ACKR4: variants seen among roughly 807,000 people sequenced by gnomAD.
ACKR4 encodes atypical chemokine receptor 4.
A neutral mutation model predicts 8.5 loss-of-function variants in ACKR4; 2 were observed. The observed-to-expected ratio is 0.23, with a 90% CI of 0.10 to 0.74. ACKR4 has a LOEUF of 0.74. ACKR4 is among the 30% of genes least tolerant of loss of function. The probability of loss-of-function intolerance (pLI) is 0.75; values close to 1 mark genes in which losing one functional copy is unlikely to be tolerated. For missense variants in ACKR4, 167 were observed against 422.1 expected (o/e 0.40, Z 5.30); for synonymous variants, 67 against 145.0 (o/e 0.46, Z 3.86).
intron 1 of ACKR4, among the ~76,000 whole-genome samples, chr3:132,598,130 C>G (rs1474539478): frequency 6.6e-6 from 1 of 151,932 alleles, no homozygotes; most frequent in Non-Finnish European, 1.5e-5. Context: ...ATTATTGATT[C>G]TATAAGAATA....
chr3:132,602,357 C>T lies in ACKR4; in HGVS notation c.*907C>T, dbSNP rs1295876328. 3 of 167,106 alleles carry T rather than the reference C, an allele frequency of 1.8e-5. No individual in the cohort carries two copies. In the East Asian group the frequency reaches 5.8e-4, roughly 32 times the overall value. The allele number at this position is 167,106 out of a possible 1,614,324, so 10.4% of individuals were successfully genotyped here. On this transcript the variant is annotated 3_prime_UTR_variant, in exon 2 of 2. Transcript: ENST00000249887. ...ATATAGTCTAGGTGTAATCCTCAGA[C>T]TATCATTTTCATCTGGGTTCCAATT...
chr3:132,599,456 G>A (rs886479484), intron 1 of ACKR4, among the ~76,000 whole-genome samples: 18 of 151,672 alleles, frequency 1.2e-4, no homozygotes, highest in South Asian at 2.1e-4. Flanking sequence ...GCAGTGAGCC[G>A]AGATTGTCCA....
In ACKR4 at chr3:132,602,072, G is replaced by T. The variant is rs528872520; in HGVS notation, c.*622G>T. 1.9e-3 allele frequency: 321 copies of T among 166,246 alleles called. 2 individuals are homozygous for T. The highest frequency in any genetic ancestry group is 7.4e-3 in the African/African-American group (306 of 41,304). The allele number at this position is 166,246 out of a possible 1,614,324, so 10.3% of individuals were successfully genotyped here. ...ATTATCTAAGTTTTAATACAAGAAC[G>T]ATTTCCCTGCATAATTTTAGTACTT... On this transcript the variant is annotated 3_prime_UTR_variant, in exon 2 of 2. Coordinates refer to ENST00000249887, the MANE Select transcript of ACKR4 (RefSeq NM_016557.4).
rs1024181652 is a variant in ACKR4, at chr3:132,602,175, C to T, written c.*725C>T. On this transcript the variant is annotated 3_prime_UTR_variant, in exon 2 of 2. Transcript: ENST00000249887. ...TTGTAAGTAATTTTATAAAATCCAC[C>T]TCCTCCAAAAAAGCAATAAAAAAAA... 25 of 165,392 alleles carry T rather than the reference C, an allele frequency of 1.5e-4. No homozygotes were observed. The highest frequency in any genetic ancestry group is 5.8e-4 in the African/African-American group (24 of 41,142). The allele number at this position is 165,392 out of a possible 1,614,324, so 10.2% of individuals were successfully genotyped here.
In ACKR4 at chr3:132,600,835, C is replaced by A. The variant is rs368139353; in HGVS notation, c.438C>A (p.Ser146Arg). 6.2e-7 allele frequency: 1 copy of A among 1,613,896 alleles called. No homozygotes were observed. Among genetic ancestry groups the A allele is most frequent in the Non-Finnish European group, 8.5e-7 (1 of 1,179,878 alleles). The change falls in exon 2 of 2, where the codon AGC becomes AGA. Residue 146 changes from serine to arginine, a missense_variant. Physicochemically the swap from Ser to Arg is moderately radical, Grantham distance 110. Coordinates refer to ENST00000249887, the MANE Select transcript of ACKR4 (RefSeq NM_016557.4). The stretch of plus-strand genomic sequence containing the variant: ...ATGTGGCAGTAACTAAAGTCCCCAG[C>A]CAATCAGGAGTGGGAAAACCATGCT... ...DRYVAVTKVP[S>R]QSGVGKPCWI... is the part of the protein sequence containing the mutation.
intron 1 of ACKR4, among the ~76,000 whole-genome samples, chr3:132,599,847 G>C (rs908188685): frequency 2.0e-5 from 3 of 152,016 alleles, no homozygotes; most frequent in African/African-American, 7.2e-5. Flanking sequence ...GTGAAATTTA[G>C]TGCAAATGCT....
intron 1 of ACKR4, among the ~76,000 whole-genome samples, chr3:132,599,026 T>G (rs1938447138): frequency 6.6e-6 from 1 of 152,158 alleles, no homozygotes; most frequent in South Asian, 2.1e-4. Context: ...AGAAAGATAC[T>G]GCTTGGCCAG....
chr3:132,600,335 T>G, intron 1 of ACKR4, 54 bp from the exon 2 acceptor site: 1 of 1,413,946 alleles, frequency 7.1e-7, no homozygotes, highest in Non-Finnish European at 9.4e-7. Context: ...AAAAACTGTT[T>G]CCTTTTAAGC....
intron 1 of ACKR4, among the ~76,000 whole-genome samples, chr3:132,597,933 TAAAAAG>T (rs1938388522): frequency 6.6e-6 from 1 of 152,148 alleles, no homozygotes; most frequent in Admixed American, 6.6e-5. Flanking sequence ...ACTTTAATGA[TAAAAAG>T]AGTCATTTAA....
rs766124398 is a variant in ACKR4 at position 132,600,553 on chromosome 3, C to T, written c.156C>T (p.Phe52=). The T allele has an allele frequency of 8.7e-6, 14 of 1,613,824 alleles. No homozygotes were observed. Among genetic ancestry groups the T allele is most frequent in the South Asian group, 2.2e-5 (2 of 91,068 alleles). The change falls in exon 2 of 2, where the codon TTC becomes TTT. Residue 52 remains phenylalanine, a synonymous_variant. Coordinates refer to ENST00000249887, the MANE Select transcript of ACKR4 (RefSeq NM_016557.4). Reference sequence around the variant, plus strand: ...TCCCTGTATTCCTCACAATAGTTTTCGTCATTGGACTTGCAGGCAATTCCA... The same window carrying T: ...TCCCTGTATTCCTCACAATAGTTTTTGTCATTGGACTTGCAGGCAATTCCA... ...VFLPVFLTIV[F]VIGLAGNSMV...
Sources: gnomAD v4.1 joint callset for allele counts (sites outside exome capture counted in the v4.1 genomes callset) on GRCh38, gnomAD v4.1.1 for gene constraint, MANE v1.5 for transcripts, NCBI Gene and HGNC (gene_info 2026-07-23, HGNC 2026-07-21) for gene names.